The following TMEM168 variants were observed in gnomAD, a reference collection of about 807,000 sequenced individuals.
The protein encoded by TMEM168 is transmembrane protein 168.
In TMEM168, 40 loss-of-function variants were observed where a neutral mutation model predicts 53.2. The observed-to-expected ratio is 0.75, with a 90% CI of 0.58 to 0.98. The LOEUF is 0.98. Ranked by LOEUF, TMEM168 falls within the 50% of genes least tolerant of loss-of-function variation. The pLI is 0.00. For synonymous variants in TMEM168, 282 were observed against 293.0 expected (o/e 0.96, Z 0.38); for missense variants, 771 against 828.8 (o/e 0.93, Z 0.86).
chr7:112,790,337 A>T lies in TMEM168; in HGVS notation c.-306T>A, dbSNP rs1584458429. 6.6e-6 allele frequency: 1 copy of T among 152,278 alleles called. No homozygotes were observed. The highest frequency in any genetic ancestry group is 1.5e-5 in the Non-Finnish European group (1 of 68,092). 9.4% of individuals were successfully genotyped at this position (152,278 alleles called of 1,614,324 possible). ...GCTAATACAGGCCAGTGTCGGCGTA[A>T]ACTTTCTCCGTTACCGGCCCGGCCG... On this transcript the variant is annotated 5_prime_UTR_variant, in exon 1 of 5. Transcript: ENST00000312814.
At chr7:112,777,678 G>A (rs1793121613) in intron 2 of TMEM168, among the ~76,000 whole-genome samples, 1 of 152,118 alleles carries the variant, frequency 6.6e-6, no homozygotes, top group East Asian at 1.9e-4. Flanking sequence ...TTGCAACACT[G>A]AAATAATTTA....
chr7:112,776,229 A>G (rs1360961972), intron 2 of TMEM168, among the ~76,000 whole-genome samples: 4 of 151,910 alleles, frequency 2.6e-5, no homozygotes, highest in African/African-American at 9.7e-5. Flanking sequence ...GTGCAATCAA[A>G]ATTTAACAGA....
chr7:112,766,942 C>A lies in TMEM168; in HGVS notation c.*255G>T. On this transcript the variant is annotated 3_prime_UTR_variant, in exon 5 of 5. Coordinates refer to ENST00000312814, the MANE Select transcript of TMEM168 (RefSeq NM_022484.6). ...CTAATCAGGACCATAAGCAAACATT[C>A]CTGAAAGTGCAGTGTTATTTTTAAC... The A allele has an allele frequency of 2.3e-6, 1 of 428,968 alleles. No homozygotes were observed. Among genetic ancestry groups the A allele is most frequent in the Non-Finnish European group, 4.1e-6 (1 of 241,434 alleles). 26.6% of individuals were successfully genotyped at this position (428,968 alleles called of 1,614,324 possible).
chr7:112,767,894 G>T, intron 4 of TMEM168, 150 bp from the exon 5 acceptor site: 2 of 615,296 alleles, frequency 3.3e-6, no homozygotes, highest in East Asian at 3.0e-5. Context: ...AAAAAATAAA[G>T]TATTTAAATG....
At chr7:112,777,797 CT>C (rs1049465394) in intron 2 of TMEM168, among the ~76,000 whole-genome samples, 2 of 151,666 alleles carry the variant, frequency 1.3e-5, no homozygotes, top group Non-Finnish European at 2.9e-5. Flanking sequence ...ACTTTTGCAA[CT>C]TAGCATGATG....
Position 112,767,122 on chromosome 7 carries a change from C to A in TMEM168, c.*75G>T. On this transcript the variant is annotated 3_prime_UTR_variant, in exon 5 of 5. Transcript: ENST00000312814. ...AAGGTATTTTCCACAAATAAAAATA[C>A]AGCATACAAAAAATGGCAAGTTAGT... 2 of 1,407,432 alleles carry A rather than the reference C, an allele frequency of 1.4e-6. No individual in the cohort carries two copies. The highest frequency in any genetic ancestry group is 9.6e-7 in the Non-Finnish European group (1 of 1,039,270). 87.2% of individuals were successfully genotyped at this position (1,407,432 alleles called of 1,614,324 possible). A position where few individuals can be genotyped will look rare whatever the true frequency, so the allele number is the denominator to read the frequency against.
chr7:112,767,786 G>T, intron 4 of TMEM168, 42 bp from the exon 5 acceptor site: 1 of 1,522,792 alleles, frequency 6.6e-7, no homozygotes. Flanking sequence ...AATTTCTGCA[G>T]CCTCTCATTA....
At position 112,766,230 on chromosome 7, in the gene TMEM168, C is replaced by T. The variant is rs902060388; in HGVS notation, c.*967G>A. 6.6e-6 allele frequency: 1 copy of T among 152,320 alleles called. No homozygotes were observed. The highest frequency in any genetic ancestry group is 1.5e-5 in the Non-Finnish European group (1 of 68,002). 9.4% of individuals were successfully genotyped at this position (152,320 alleles called of 1,614,324 possible). A position where few individuals can be genotyped will look rare whatever the true frequency, so the allele number is the denominator to read the frequency against. On this transcript the variant is annotated 3_prime_UTR_variant, in exon 5 of 5. Transcript: ENST00000312814. ...TTACATGTATACCAGAAGAGAAATA[C>T]TTGTTTCCTATCCTCTGACCTTCAG... is the stretch of plus-strand genomic sequence containing the variant.
In TMEM168 at chr7:112,767,509, T is replaced by C. The variant is rs1401496937; in HGVS notation, c.1782A>G (p.Glu594=). 6.2e-7 allele frequency: 1 copy of C among 1,614,058 alleles called. No homozygotes were observed. Among genetic ancestry groups the C allele is most frequent in the Admixed American group, 1.7e-5 (1 of 59,998 alleles). ...QLGDFTKDWV[E]YNCNSSNNIC... The stretch of plus-strand genomic sequence containing the variant: ...TGTTATTACTGGAGTTGCAGTTATA[T>C]TCTACCCAGTCTTTTGTAAAGTCAC... Residue 594 remains glutamate, a synonymous_variant, in exon 5 of 5, where the codon GAA becomes GAG. Transcript: ENST00000312814.
intron 4 of TMEM168, among the ~76,000 whole-genome samples, chr7:112,769,040 A>G (rs530627400): frequency 6.6e-6 from 1 of 152,332 alleles, no homozygotes; most frequent in East Asian, 1.9e-4. Flanking sequence ...TACATTGAGC[A>G]TAAGTTACTT....
intron 4 of TMEM168, among the ~76,000 whole-genome samples, chr7:112,771,013 C>T (rs1276806535): frequency 2.0e-5 from 3 of 152,130 alleles, no homozygotes; most frequent in Non-Finnish European, 4.4e-5. Context: ...AAAGCTTTCT[C>T]TTGTGCTCTG....
chr7:112,767,968 A>G (rs1792832599), intron 4 of TMEM168, among the ~76,000 whole-genome samples: 1 of 152,212 alleles, frequency 6.6e-6, no homozygotes, highest in African/African-American at 2.4e-5. Context: ...GAGGTAAAAA[A>G]AATCCTTATT....
In TMEM168 at chr7:112,767,504, T is replaced by C; in HGVS notation, c.1787A>G (p.Asn596Ser). Residue 596 changes from asparagine (N) to serine (S), a missense_variant, in exon 5 of 5, where the codon AAC (asparagine) becomes AGC (serine). Coordinates refer to ENST00000312814, the MANE Select transcript of TMEM168 (RefSeq NM_022484.6). The stretch of plus-strand genomic sequence containing the variant: ...GCAGATGTTATTACTGGAGTTGCAG[T>C]TATATTCTACCCAGTCTTTTGTAAA... ...GDFTKDWVEY[N>S]CNSSNNICWT... 6.2e-7 allele frequency: 1 copy of C among 1,614,162 alleles called. No individual in the cohort carries two copies.
intron 2 of TMEM168, among the ~76,000 whole-genome samples, chr7:112,779,098 C>A (rs1793164839): frequency 6.6e-6 from 1 of 152,014 alleles, no homozygotes; most frequent in Admixed American, 6.5e-5. Flanking sequence ...CCTATGTTGC[C>A]CAGGCTGGTC....
rs1792733663 is a variant in TMEM168, at chr7:112,764,758, A to AAAGT, written c.*2435_*2438dup. On this transcript the variant is annotated 3_prime_UTR_variant, in exon 5 of 5. Transcript: ENST00000312814. ...TTTGATCCACCTGCCTCGGCCTCCCAAAGTGCTGGGATTACAGGCATGAGC... is the reference window on the plus strand; with the variant it reads ...TTTGATCCACCTGCCTCGGCCTCCCAAAGTAAGTGCTGGGATTACAGGCATGAGC... 1 of 150,818 alleles carries AAAGT rather than the reference A, an allele frequency of 6.6e-6. No individual in the cohort carries two copies. Among genetic ancestry groups the AAAGT allele is most frequent in the Admixed American group, 6.6e-5 (1 of 15,086 alleles). The allele number at this position is 150,818 out of a possible 1,614,324, so 9.3% of individuals were successfully genotyped here.
At chr7:112,782,130 C>T (rs1793248388) in intron 2 of TMEM168, among the ~76,000 whole-genome samples, 2 of 152,168 alleles carry the variant, frequency 1.3e-5, no homozygotes, top group Non-Finnish European at 2.9e-5. Context: ...TGCTCAACAT[C>T]ATTAGTCATT....
chr7:112,772,579 T>A (rs1792955306), intron 4 of TMEM168, among the ~76,000 whole-genome samples: 1 of 152,216 alleles, frequency 6.6e-6, no homozygotes. Context: ...TTCTAATCAC[T>A]ATAAGACGTA....
intron 2 of TMEM168, among the ~76,000 whole-genome samples, chr7:112,783,015 C>T (rs1793272233): frequency 6.6e-6 from 1 of 152,206 alleles, no homozygotes; most frequent in African/African-American, 2.4e-5. Flanking sequence ...AGTGCATAGT[C>T]AATACATGCT....
chr7:112,763,744 AG>A lies in TMEM168; in HGVS notation c.*3452del, dbSNP rs999545333. The A allele has an allele frequency of 1.3e-5, 2 of 152,184 alleles. No individual in the cohort carries two copies. Among genetic ancestry groups the A allele is most frequent in the African/African-American group, 4.8e-5 (2 of 41,456 alleles). 9.4% of individuals were successfully genotyped at this position (152,184 alleles called of 1,614,324 possible). On this transcript the variant is annotated 3_prime_UTR_variant, in exon 5 of 5. Transcript: ENST00000312814. ...CAGTACCCAAGAGTAAATATGTTTG[AG>A]CCCAAAATTACAAAATATCCAGTTA...
Sources: gnomAD v4.1 joint callset for allele counts (sites outside exome capture counted in the v4.1 genomes callset) on GRCh38, gnomAD v4.1.1 for gene constraint, MANE v1.5 for transcripts, NCBI Gene and HGNC (gene_info 2026-07-23, HGNC 2026-07-21) for gene names.